The following LAMA2 variants were observed in gnomAD, a reference collection of about 807,000 sequenced individuals.
LAMA2 encodes the protein laminin subunit alpha 2.
In LAMA2, 269 loss-of-function variants were observed where a neutral mutation model predicts 364.8. That is an observed-to-expected ratio of 0.74 (90% CI 0.67 to 0.82). The LOEUF (loss-of-function observed/expected upper bound fraction) is 0.82, where lower values mean the gene tolerates loss of function less well. Among genes scored for constraint, LAMA2 ranks in the 40% least tolerant of loss-of-function variants. The pLI is 0.00. For synonymous variants in LAMA2, 1,379 were observed against 1,370.6 expected (o/e 1.01, Z -0.14); for missense variants, 3,807 against 3,873.2 (o/e 0.98, Z 0.45).
chr6:129,344,657 A>C (rs1776445044), intron 30 of LAMA2, among the ~76,000 whole-genome samples: 1 of 152,206 alleles, frequency 6.6e-6, no homozygotes, highest in Non-Finnish European at 1.5e-5. Flanking sequence ...GAGTATATAG[A>C]AAGAATGAAA....
intron 1 of LAMA2, among the ~76,000 whole-genome samples, chr6:128,953,213 C>T (rs937734180): frequency 3.3e-5 from 5 of 152,198 alleles, no homozygotes; most frequent in South Asian, 4.2e-4. Flanking sequence ...ATGCTTCTTC[C>T]GAGTGATCAC....
chr6:129,338,361 C>T (rs973303225), intron 29 of LAMA2, among the ~76,000 whole-genome samples: 1 of 152,174 alleles, frequency 6.6e-6, no homozygotes, highest in Non-Finnish European at 1.5e-5. Flanking sequence ...TATTCATCAG[C>T]ATGACACCTT....
At chr6:129,303,874 C>A (rs1361211442) in intron 22 of LAMA2, among the ~76,000 whole-genome samples, 1 of 152,020 alleles carries the variant, frequency 6.6e-6, no homozygotes, top group African/African-American at 2.4e-5. Context: ...ACTTATTTTT[C>A]TTGTAGCGTT....
chr6:129,444,851 A>T (rs944231178), intron 44 of LAMA2, among the ~76,000 whole-genome samples: 12 of 152,354 alleles, frequency 7.9e-5, no homozygotes, highest in Middle Eastern at 3.4e-3. Flanking sequence ...AATAAATGAC[A>T]TAGTGTGGAT....
chr6:129,038,782 T>G (rs558394207), intron 1 of LAMA2, among the ~76,000 whole-genome samples: 1 of 152,172 alleles, frequency 6.6e-6, no homozygotes, highest in East Asian at 1.9e-4. Flanking sequence ...GGTAGGACAC[T>G]GCATACCCTC....
At chr6:129,425,691 T>C (rs1781293593) in intron 40 of LAMA2, among the ~76,000 whole-genome samples, 1 of 152,134 alleles carries the variant, frequency 6.6e-6, no homozygotes, top group South Asian at 2.1e-4. Context: ...TGTATTTGAT[T>C]TTCTGTTCCT....
intron 4 of LAMA2, among the ~76,000 whole-genome samples, chr6:129,110,094 G>A (rs1191031555): frequency 6.8e-6 from 1 of 147,870 alleles, no homozygotes; most frequent in East Asian, 2.0e-4. Context: ...ATTTAAATAT[G>A]CTAGCACCTT....
chr6:129,072,086 G>A (rs1220015656), intron 3 of LAMA2, among the ~76,000 whole-genome samples: 1 of 152,156 alleles, frequency 6.6e-6, no homozygotes, highest in African/African-American at 2.4e-5. Flanking sequence ...GGTAGAGGTT[G>A]TGGTGAGCCG....
chr6:128,929,270 C>G (rs1779294245), intron 1 of LAMA2: 40 of 1,364,374 alleles, frequency 2.9e-5, no homozygotes, highest in Non-Finnish European at 4.1e-5. Flanking sequence ...GGCTAAGTTC[C>G]CGTCATTGAT....
intron 1 of LAMA2, among the ~76,000 whole-genome samples, chr6:128,974,498 G>C (rs1396490116): frequency 6.6e-6 from 1 of 152,110 alleles, no homozygotes; most frequent in Admixed American, 6.5e-5. Flanking sequence ...GTTTTAAGGA[G>C]TATATAATAA....
At chr6:129,209,098 C>T (rs1271779851) in intron 12 of LAMA2, among the ~76,000 whole-genome samples, 2 of 152,070 alleles carry the variant, frequency 1.3e-5, no homozygotes, top group African/African-American at 4.8e-5. Context: ...CTGCCTTAAG[C>T]TCGTTTTTAC....
At chr6:129,073,054 A>G (rs1164856701) in intron 3 of LAMA2, among the ~76,000 whole-genome samples, 1 of 151,980 alleles carries the variant, frequency 6.6e-6, no homozygotes, top group Non-Finnish European at 1.5e-5. Context: ...GCTAGTGATA[A>G]ATCTCTCATC....
intron 20 of LAMA2, among the ~76,000 whole-genome samples, chr6:129,295,421 C>T (rs1773108930): frequency 6.6e-6 from 1 of 152,004 alleles, no homozygotes; most frequent in African/African-American, 2.4e-5. Flanking sequence ...TTTATTTTAC[C>T]TCATTAATCT....
At chr6:129,227,139 T>A (rs1050595253) in intron 12 of LAMA2, among the ~76,000 whole-genome samples, 3 of 152,238 alleles carry the variant, frequency 2.0e-5, no homozygotes, top group African/African-American at 4.8e-5. Context: ...CTGAGGCTTG[T>A]GCATTTGTCA....
intron 5 of LAMA2, among the ~76,000 whole-genome samples, chr6:129,144,889 T>C (rs545933688): frequency 6.6e-6 from 1 of 152,062 alleles, no homozygotes; most frequent in Non-Finnish European, 1.5e-5. Context: ...GATTACAAGA[T>C]AGATGATCAA....
chr6:129,453,716 A>G (rs1323324241), intron 46 of LAMA2, among the ~76,000 whole-genome samples: 1 of 152,156 alleles, frequency 6.6e-6, no homozygotes, highest in Admixed American at 6.6e-5. Context: ...CATTCATGGC[A>G]TAAGTCAATA....
At chr6:128,924,391 C>T (rs1476346935) in intron 1 of LAMA2, among the ~76,000 whole-genome samples, 1 of 151,996 alleles carries the variant, frequency 6.6e-6, no homozygotes, top group South Asian at 2.1e-4. Flanking sequence ...ATTCTAATAC[C>T]ATTCAACTGC....
intron 3 of LAMA2, among the ~76,000 whole-genome samples, chr6:129,088,049 G>A (rs947496312): frequency 7.5e-5 from 4 of 53,140 alleles, no homozygotes; most frequent in African/African-American, 1.5e-4. Context: ...GCGGCCTTCC[G>A]CCGTGTTTGT....
intron 10 of LAMA2, among the ~76,000 whole-genome samples, chr6:129,189,577 C>T (rs940109487): frequency 6.6e-6 from 1 of 152,030 alleles, no homozygotes. Flanking sequence ...ATGTGACTAA[C>T]TGATTGTACT....
Sources: allele counts gnomAD v4.1 joint callset (sites outside exome capture counted in the v4.1 genomes callset), GRCh38; gene constraint gnomAD v4.1.1; transcripts MANE v1.5; gene names NCBI Gene and HGNC (gene_info 2026-07-23, HGNC 2026-07-21).